DPP10: variants seen among roughly 807,000 people sequenced by gnomAD.
DPP10 encodes inactive dipeptidyl peptidase 10.
In DPP10, 33 loss-of-function variants were observed where a neutral mutation model predicts 120.9. That is an observed-to-expected ratio of 0.27 (90% CI 0.21 to 0.37). The LOEUF is 0.37. Ranked by LOEUF, DPP10 falls within the 10% of genes least tolerant of loss-of-function variation. DPP10 has a pLI of 1.00. For synonymous variants in DPP10, 337 were observed against 326.1 expected (o/e 1.03, Z -0.36); for missense variants, 816 against 942.8 (o/e 0.87, Z 1.76).
At chr2:115,553,451 A>G (rs2080004665) in intron 5 of DPP10, among the ~76,000 whole-genome samples, 1 of 152,088 alleles carries the variant, frequency 6.6e-6, no homozygotes, top group African/African-American at 2.4e-5. Flanking sequence ...GTCATTTCAT[A>G]CATTATAGTT....
At chr2:115,801,088 G>T (rs370563021) in intron 19 of DPP10, among the ~76,000 whole-genome samples, 3 of 152,024 alleles carry the variant, frequency 2.0e-5, no homozygotes, top group African/African-American at 7.2e-5. Context: ...TCTTCCATTT[G>T]TTTGTATCCT....
chr2:114,839,625 T>C (rs1296923990), intron 1 of DPP10, among the ~76,000 whole-genome samples: 2 of 152,232 alleles, frequency 1.3e-5, no homozygotes, highest in African/African-American at 2.4e-5. Flanking sequence ...ACATATTCTT[T>C]GTTCTAAAAC....
At chr2:115,370,377 GA>G (rs1256645494) in intron 3 of DPP10, among the ~76,000 whole-genome samples, 1 of 152,074 alleles carries the variant, frequency 6.6e-6, no homozygotes, top group Non-Finnish European at 1.5e-5. Context: ...AATCCATGAA[GA>G]ATTGACAGCT....
chr2:115,160,097 A>G (rs1271953331), intron 1 of DPP10, among the ~76,000 whole-genome samples: 1 of 152,246 alleles, frequency 6.6e-6, no homozygotes, highest in Non-Finnish European at 1.5e-5. Context: ...CTATATTGTC[A>G]TAATTACTGG....
chr2:115,703,500 A>G (rs2091974167), intron 7 of DPP10, among the ~76,000 whole-genome samples: 1 of 152,040 alleles, frequency 6.6e-6, no homozygotes, highest in African/African-American at 2.4e-5. Flanking sequence ...CTGGACAAGT[A>G]TTAATGAATT....
chr2:115,794,654 A>G (rs1286770254), intron 19 of DPP10, among the ~76,000 whole-genome samples: 1 of 152,010 alleles, frequency 6.6e-6, no homozygotes, highest in East Asian at 1.9e-4. Flanking sequence ...GTCTCTACGG[A>G]GTCATGATCC....
intron 1 of DPP10, among the ~76,000 whole-genome samples, chr2:114,959,027 T>G (rs1322937608): frequency 1.3e-5 from 2 of 152,074 alleles, no homozygotes; most frequent in Non-Finnish European, 1.5e-5. Flanking sequence ...TGATTGGTTG[T>G]TTGTTTGTTT....
rs554146654 is a variant in DPP10 at position 115,614,551 on chromosome 2, G to A, written c.442-75136G>A. Among the ~76,000 whole-genome samples, 171 of 152,194 alleles carry A rather than the reference G, an allele frequency of 1.1e-3. 2 individuals are homozygous for A. The highest frequency in any genetic ancestry group is 3.5e-3 in the African/African-American group (146 of 41,540). On this transcript the variant is annotated intron_variant, in intron 5 of 25. Transcript: ENST00000410059. ...AGCAACTCTCCTGCCTCAGCCTCCC[G>A]AGTAGCTGGTATTATAGGCATACGC...
At chr2:115,585,994 G>A (rs531376455) in intron 5 of DPP10, among the ~76,000 whole-genome samples, 1 of 152,194 alleles carries the variant, frequency 6.6e-6, no homozygotes, top group African/African-American at 2.4e-5. Context: ...TTTTTGATAT[G>A]TATTTGGAGG....
At position 114,917,320 on chromosome 2, in the gene DPP10, C is replaced by T. The variant is rs191020129; in HGVS notation, c.61-391919C>T. ...AAACAGTCCTGAAAGAATTCAGAGACGACATAAACAAATGGAAAAACATTC... is the reference window on the plus strand; with the variant it reads ...AAACAGTCCTGAAAGAATTCAGAGATGACATAAACAAATGGAAAAACATTC... On this transcript the variant is annotated intron_variant, in intron 1 of 25. Transcript: ENST00000410059. Among the ~76,000 whole-genome samples the T allele has an allele frequency of 2.3e-3, 346 of 152,106 alleles. 1 individual carries two copies. The highest frequency in any genetic ancestry group is 8.9e-3 in the Admixed American group (136 of 15,262).
intron 1 of DPP10, among the ~76,000 whole-genome samples, chr2:114,745,040 G>A (rs541275597): frequency 2.6e-5 from 4 of 152,298 alleles, no homozygotes; most frequent in African/African-American, 7.2e-5. Flanking sequence ...GATGACAGGC[G>A]TGAGCCACCG....
At chr2:115,830,711 A>G (rs1688833383) in intron 21 of DPP10, among the ~76,000 whole-genome samples, 1 of 152,200 alleles carries the variant, frequency 6.6e-6, no homozygotes, top group Non-Finnish European at 1.5e-5. Context: ...CCAGGATTAG[A>G]GTGAATGTGG....
intron 1 of DPP10, among the ~76,000 whole-genome samples, chr2:114,600,002 G>T (rs1021283290): frequency 6.6e-6 from 1 of 151,100 alleles, no homozygotes; most frequent in Non-Finnish European, 1.5e-5. Flanking sequence ...TGTATCTAGG[G>T]TCTATTTTTT....
chr2:114,678,018 A>G (rs1301595773), intron 1 of DPP10, among the ~76,000 whole-genome samples: 1 of 152,164 alleles, frequency 6.6e-6, no homozygotes, highest in African/African-American at 2.4e-5. Flanking sequence ...GTAATATACT[A>G]TAACATGATA....
Position 115,689,667 on chromosome 2 carries a change from T to C in DPP10, c.442-20T>C, listed in dbSNP as rs2091199427. On this transcript the variant is annotated intron_variant, in intron 5 of 25. Transcript: ENST00000410059. ...ATTAAGATAAAGCTATGATCAATAA[T>C]GTTTCTTTTTTAATTTCAGATTTTT... is the stretch of plus-strand genomic sequence containing the variant. The C allele has an allele frequency of 7.1e-7, 1 of 1,416,766 alleles. No individual in the cohort carries two copies. The highest frequency in any genetic ancestry group is 1.4e-5 in the African/African-American group (1 of 69,754). 87.8% of individuals were successfully genotyped at this position (1,416,766 alleles called of 1,614,324 possible).
In DPP10 at chr2:114,644,869, TA is replaced by T. The variant is rs1259748178; in HGVS notation, c.60+202038del. Among the ~76,000 whole-genome samples the T allele has an allele frequency of 1.1e-4, 16 of 151,952 alleles. No individual in the cohort carries two copies. In the East Asian group the frequency reaches 2.7e-3, roughly 26 times the overall value. ...TTTCAGATCTTTCTGATCGAGTGGGTAAAAAAAGATACTGGACCATTTTAGT... is the reference window on the plus strand; with the variant it reads ...TTTCAGATCTTTCTGATCGAGTGGGTAAAAAAGATACTGGACCATTTTAGT... On this transcript the variant is annotated intron_variant, in intron 1 of 25. Transcript: ENST00000410059.
At chr2:115,704,501 T>G (rs977438632) in intron 7 of DPP10, among the ~76,000 whole-genome samples, 3 of 151,954 alleles carry the variant, frequency 2.0e-5, no homozygotes, top group Non-Finnish European at 1.5e-5. Flanking sequence ...CATTTCTTCC[T>G]CCTCCTTTTT....
At chr2:114,452,015 T>C (rs764449952) in intron 1 of DPP10, among the ~76,000 whole-genome samples, 6 of 152,194 alleles carry the variant, frequency 3.9e-5, no homozygotes, top group Non-Finnish European at 5.9e-5. Flanking sequence ...CTTATTAATA[T>C]ATGGTCTTTA....
chr2:115,468,883 C>T (rs992097770), intron 3 of DPP10: 12 of 414,348 alleles, frequency 2.9e-5, no homozygotes, highest in African/African-American at 2.5e-4. Context: ...GACTGGTCTT[C>T]AACTCCCACT....
Sources: allele counts gnomAD v4.1 joint callset (sites outside exome capture counted in the v4.1 genomes callset), GRCh38; gene constraint gnomAD v4.1.1; transcripts MANE v1.5; gene names NCBI Gene and HGNC (gene_info 2026-07-23, HGNC 2026-07-21).